COL7A1: variants seen among roughly 807,000 people sequenced by gnomAD.
COL7A1 encodes collagen alpha-1(VII) chain.
A neutral mutation model predicts 456.2 loss-of-function variants in COL7A1; 296 were observed. The ratio of observed to expected loss-of-function variants is 0.65; its 90% CI spans 0.59 to 0.71. The LOEUF is 0.71. Ranked by LOEUF, COL7A1 falls within the 30% of genes least tolerant of loss-of-function variation. The pLI is 0.00. For synonymous variants in COL7A1, 1,464 were observed against 1,525.9 expected (o/e 0.96, Z 0.95); for missense variants, 3,441 against 4,017.2 (o/e 0.86, Z 3.88).
At position 48,595,059 on chromosome 3, in the gene COL7A1, C is replaced by G. The variant is rs1241704408; in HGVS notation, c.85+16G>C. ...GGTGCAGTGCCCCGGGCCGGGTCCTCCCTTGCGGTGCCCACCTCTCTCCCT... is the reference window on the plus strand; with the variant it reads ...GGTGCAGTGCCCCGGGCCGGGTCCTGCCTTGCGGTGCCCACCTCTCTCCCT... On this transcript the variant is annotated intron_variant, in intron 2 of 118. Transcript: ENST00000681320. 3.2e-6 allele frequency: 5 copies of G among 1,545,538 alleles called. No homozygotes were observed. The highest frequency in any genetic ancestry group is 4.4e-6 in the Non-Finnish European group (5 of 1,144,772).
chr3:48,589,204 G>A, intron 18 of COL7A1, 123 bp downstream of exon 18: 3 of 1,497,992 alleles, frequency 2.0e-6, no homozygotes, highest in Non-Finnish European at 2.8e-6. Flanking sequence ...TCAGTGTGGG[G>A]TGGGTCAGTG....
chr3:48,577,836 C>G (rs2044423976), intron 65 of COL7A1, among the ~76,000 whole-genome samples: 4 of 152,208 alleles, frequency 2.6e-5, no homozygotes, highest in Admixed American at 2.6e-4. Flanking sequence ...CACCTAACTC[C>G]CTATGTGTCT....
In COL7A1 at chr3:48,587,027, C is replaced by T. The variant is rs773792647; in HGVS notation, c.3221G>A (p.Arg1074Lys). 5.6e-6 allele frequency: 9 copies of T among 1,605,846 alleles called. No homozygotes were observed. The highest frequency in any genetic ancestry group is 1.7e-5 in the Admixed American group (1 of 58,892). The change falls in exon 25 of 119, where the codon AGG (arginine) becomes AAG (lysine). Residue 1074 changes from arginine (R) to lysine (K), a missense_variant. Physicochemically the swap from Arg to Lys is conservative, Grantham distance 26. Coordinates refer to ENST00000681320, the MANE Select transcript of COL7A1 (RefSeq NM_000094.4). The surrounding 1 kb of genome is among the most constrained non-coding windows in gnomAD (Gnocchi z 6.1). ...DNAHRAEATR[R>K]VLERLVLALG... Reference sequence around the variant, plus strand: ...TGCCAACACCAGACGCTCCAGGACCCTCCTCGTAGCCTCCGCACGGTGAGC... The same window carrying T: ...TGCCAACACCAGACGCTCCAGGACCTTCCTCGTAGCCTCCGCACGGTGAGC...
In COL7A1 at chr3:48,591,484, A is replaced by T; in HGVS notation, c.1616T>A (p.Ile539Asn). ...CTCACCCTGGGTGCTGCGCACAATG[A>T]TGCGGTACTGGGTGGCACCAGGGAC... ...SPVPGATQYR[I>N]IVRSTQGVER... The change falls in exon 13 of 119, where the codon ATC (isoleucine) becomes AAC (asparagine). Residue 539 changes from isoleucine (I) to asparagine (N), a missense_variant. Around this residue, in one of 3 missense-constraint regions of COL7A1, gnomAD observed 913 missense variants for 1,088.2 expected, o/e 0.84. Coordinates refer to ENST00000681320, the MANE Select transcript of COL7A1 (RefSeq NM_000094.4). This position sits in a 1 kb window ranked among gnomAD's most constrained non-coding sequence, Gnocchi z 7.0. 1 of 1,613,922 alleles carries T rather than the reference A, an allele frequency of 6.2e-7. No individual in the cohort carries two copies. The highest frequency in any genetic ancestry group is 8.5e-7 in the Non-Finnish European group (1 of 1,179,958).
Position 48,586,097 on chromosome 3 carries a change from A to C in COL7A1, c.3700T>G (p.Cys1234Gly). ...ACCTGAGTAGTGAAGGATGCCTGAC[A>C]CAGGGCTGTGGCCAGACCACTGACT... ...QAVSGLATAL[C>G]QASFTTQPRP... is the part of the protein sequence containing the mutation. Residue 1234 changes from cysteine (C) to glycine (G), a missense_variant, in exon 28 of 119, where the codon TGT becomes GGT. Physicochemically the swap from Cys to Gly is radical, Grantham distance 159. Transcript: ENST00000681320. The surrounding 1 kb of genome is among the most constrained non-coding windows in gnomAD (Gnocchi z 5.1). 11 of 1,613,570 alleles carry C rather than the reference A, an allele frequency of 6.8e-6. No individual in the cohort carries two copies. The highest frequency in any genetic ancestry group is 9.3e-6 in the Non-Finnish European group (11 of 1,180,026).
Position 48,593,783 on chromosome 3 carries a change from G to C in COL7A1, c.267-87C>G, listed in dbSNP as rs1336461131. 7.3e-6 allele frequency: 11 copies of C among 1,504,706 alleles called. No homozygotes were observed. Among genetic ancestry groups the C allele is most frequent in the African/African-American group, 1.4e-5 (1 of 72,708 alleles). 93.2% of individuals were successfully genotyped at this position (1,504,706 alleles called of 1,614,324 possible). A position where few individuals can be genotyped will look rare whatever the true frequency, so the allele number is the denominator to read the frequency against. ...AGGAGGCCTCTAGGGTGAGGGTTAC[G>C]GGTATCAGGCTCTCTTGAGGGGTCC... On this transcript the variant is annotated intron_variant, in intron 3 of 118. Transcript: ENST00000681320. This position sits in a 1 kb window ranked among gnomAD's most constrained non-coding sequence, Gnocchi z 4.4.
chr3:48,579,076 AGAC>A lies in COL7A1; in HGVS notation c.5388+118_5388+120del. On this transcript the variant is annotated intron_variant, in intron 62 of 118. Coordinates refer to ENST00000681320, the MANE Select transcript of COL7A1 (RefSeq NM_000094.4). The surrounding 1 kb of genome is among the most constrained non-coding windows in gnomAD (Gnocchi z 4.4). ...CAGGCAGGGCTCTGGGAGAAGACAC[AGAC>A]AACAGGTCTCGCCCCAGAGCTCGTC... The A allele has an allele frequency of 1.3e-6, 2 of 1,552,356 alleles. No homozygotes were observed. Among genetic ancestry groups the A allele is most frequent in the Admixed American group, 1.7e-5 (1 of 59,760 alleles).
rs1482258005 is a variant in COL7A1, at chr3:48,569,327, C to A, written c.7686+48G>T. On this transcript the variant is annotated intron_variant, in intron 103 of 118. Coordinates refer to ENST00000681320, the MANE Select transcript of COL7A1 (RefSeq NM_000094.4). This position sits in a 1 kb window ranked among gnomAD's most constrained non-coding sequence, Gnocchi z 4.9. ...TGCCCTCACAGATGCTGTGGAACCACCACAGCCACAGGACCCCACAGAGAG... is the reference window on the plus strand; with the variant it reads ...TGCCCTCACAGATGCTGTGGAACCAACACAGCCACAGGACCCCACAGAGAG... 7 of 1,608,260 alleles carry A rather than the reference C, an allele frequency of 4.4e-6. No individual in the cohort carries two copies. Among genetic ancestry groups the A allele is most frequent in the Admixed American group, 1.7e-5 (1 of 60,012 alleles).
chr3:48,583,812 G>C lies in COL7A1; in HGVS notation c.4279-32C>G. Reference sequence around the variant, plus strand: ...AGAAGTGAGTAAAAATATGAGCCAAGAACTATGAAGCCCAGCACCCAACCA... The same window carrying C: ...AGAAGTGAGTAAAAATATGAGCCAACAACTATGAAGCCCAGCACCCAACCA... On this transcript the variant is annotated intron_variant, in intron 39 of 118. Coordinates refer to ENST00000681320, the MANE Select transcript of COL7A1 (RefSeq NM_000094.4). This position sits in a 1 kb window ranked among gnomAD's most constrained non-coding sequence, Gnocchi z 5.1. 6.2e-7 allele frequency: 1 copy of C among 1,613,620 alleles called. No homozygotes were observed. The highest frequency in any genetic ancestry group is 8.5e-7 in the Non-Finnish European group (1 of 1,179,822).
In COL7A1 at chr3:48,583,544, C is replaced by CCCT; in HGVS notation, c.4401+9_4401+11dup. On this transcript the variant is annotated intron_variant, in intron 41 of 118. Transcript: ENST00000681320. This position sits in a 1 kb window ranked among gnomAD's most constrained non-coding sequence, Gnocchi z 5.1. Reference sequence around the variant, plus strand: ...GCCCACCATATTCAGAATCCCTGGCCCCTCCACTCACCTGCTCACCCGGAG... The same window carrying CCCT: ...GCCCACCATATTCAGAATCCCTGGCCCCTCCTCCACTCACCTGCTCACCCGGAG... 6.2e-7 allele frequency: 1 copy of CCCT among 1,613,966 alleles called. No homozygotes were observed. Among genetic ancestry groups the CCCT allele is most frequent in the Non-Finnish European group, 8.5e-7 (1 of 1,179,978 alleles).
chr3:48,581,720 C>T lies in COL7A1; in HGVS notation c.4708G>A (p.Val1570Ile), dbSNP rs2044772508. 6.2e-7 allele frequency: 1 copy of T among 1,613,988 alleles called. No homozygotes were observed. The highest frequency in any genetic ancestry group is 1.7e-5 in the Admixed American group (1 of 60,010). ...GPAGPRGATG[V>I]QGERGPPGLV... ...GCTTCACTTACCCGTTCCCCTTGGA[C>T]TCCGGTAGCTCCTCTGGGCCCAGCG... Residue 1570 changes from valine to isoleucine, a missense_variant, in exon 49 of 119, where the codon GTC (valine) becomes ATC (isoleucine). Val to Ile is a conservative substitution (Grantham distance 29, BLOSUM62 3). Transcript: ENST00000681320. This position sits in a 1 kb window ranked among gnomAD's most constrained non-coding sequence, Gnocchi z 5.8.
chr3:48,589,169 G>A (rs1428746119), intron 18 of COL7A1, among the ~76,000 whole-genome samples, 158 bp downstream of exon 18: 1 of 152,148 alleles, frequency 6.6e-6, no homozygotes, highest in East Asian at 1.9e-4. Context: ...GGGCCACCAG[G>A]AGGTCACCGT....
chr3:48,585,342 G>A lies in COL7A1; in HGVS notation c.3894+215C>T, dbSNP rs2107740378. Among the ~76,000 whole-genome samples, 1 of 152,300 alleles carries A rather than the reference G, an allele frequency of 6.6e-6. No homozygotes were observed. Among genetic ancestry groups the A allele is most frequent in the East Asian group, 1.9e-4 (1 of 5,174 alleles). ...GAGGGCTTCCCTGCCTCTGGGACTT[G>A]GAGCTGCTGCTCAGGCTCTGCAGCG... On this transcript the variant is annotated intron_variant, in intron 32 of 118. Coordinates refer to ENST00000681320, the MANE Select transcript of COL7A1 (RefSeq NM_000094.4). The surrounding 1 kb of genome is among the most constrained non-coding windows in gnomAD (Gnocchi z 4.5).
Position 48,571,752 on chromosome 3 carries a change from C to T in COL7A1, c.7068+249G>A, listed in dbSNP as rs1427136413. The T allele has an allele frequency of 2.1e-4, 131 of 632,106 alleles. 2 individuals are homozygous for T. The East Asian group carries it at 3.5e-3, about 17-fold the overall frequency. The allele number at this position is 632,106 out of a possible 1,614,324, so 39.2% of individuals were successfully genotyped here. On this transcript the variant is annotated intron_variant, in intron 92 of 118. Transcript: ENST00000681320. This position sits in a 1 kb window ranked among gnomAD's most constrained non-coding sequence, Gnocchi z 4.6. ...ATCTGGGAGATCAGACCAGAGCACA[C>T]GTGTGCCCAGATGTGGTGAGAAACA... is the stretch of plus-strand genomic sequence containing the variant.
chr3:48,584,910 C>T lies in COL7A1; in HGVS notation c.4011G>A (p.Pro1337=), dbSNP rs201597369. The T allele has an allele frequency of 1.5e-5, 25 of 1,613,874 alleles. No individual in the cohort carries two copies. Among genetic ancestry groups the T allele is most frequent in the Middle Eastern group, 1.6e-4 (1 of 6,082 alleles). Residue 1337 remains proline (P), a splice_region_variant and synonymous_variant, in exon 34 of 119, where the codon CCG becomes CCA. Transcript: ENST00000681320. ...SPGLPGPRGD[P]GERGPRGPKG... ...GAGCAAAGAAGGGAAGGCACCTTAC[C>T]GGGTCCCCACGAGGGCCAGGCAACC...
chr3:48,590,615 G>A lies in COL7A1; in HGVS notation c.1781-31C>T. Reference sequence around the variant, plus strand: ...AGTTACAGACAGAAGTCAGAAGTCAGAACCAGGACCAGAGTGAGGCAGGCA... The same window carrying A: ...AGTTACAGACAGAAGTCAGAAGTCAAAACCAGGACCAGAGTGAGGCAGGCA... On this transcript the variant is annotated intron_variant, in intron 14 of 118. Coordinates refer to ENST00000681320, the MANE Select transcript of COL7A1 (RefSeq NM_000094.4). This position sits in a 1 kb window ranked among gnomAD's most constrained non-coding sequence, Gnocchi z 4.6. 6.2e-7 allele frequency: 1 copy of A among 1,614,064 alleles called. No homozygotes were observed. The highest frequency in any genetic ancestry group is 8.5e-7 in the Non-Finnish European group (1 of 1,180,024).
chr3:48,567,198 CAGA>C lies in COL7A1; in HGVS notation c.8047-11_8047-9del. 3.7e-6 allele frequency: 6 copies of C among 1,613,920 alleles called. No homozygotes were observed. The highest frequency in any genetic ancestry group is 4.2e-6 in the Non-Finnish European group (5 of 1,179,968). On this transcript the variant is annotated splice_polypyrimidine_tract_variant and intron_variant, in intron 109 of 118. Transcript: ENST00000681320. The surrounding 1 kb of genome is among the most constrained non-coding windows in gnomAD (Gnocchi z 4.3). ...GTCAAAGCCTCGGTCACCCTGGGAA[CAGA>C]AGAAGCATGAGAGACCTTCTGCCCT...
rs775822314 is a variant in COL7A1 at position 48,586,162 on chromosome 3, G to T, written c.3635C>A (p.Thr1212Asn). Residue 1212 changes from threonine to asparagine, a missense_variant, in exon 28 of 119, where the codon ACC becomes AAC. By Grantham distance (65) the Thr-to-Asn change is moderately conservative. Around this residue, in one of 3 missense-constraint regions of COL7A1, gnomAD observed 2,084 missense variants for 2,501.3 expected, o/e 0.83. Transcript: ENST00000681320. The surrounding 1 kb of genome is among the most constrained non-coding windows in gnomAD (Gnocchi z 5.1). The stretch of plus-strand genomic sequence containing the variant: ...TGGCCCATCATCCACGGCGAAGAAG[G>T]TCTGGACAGAGTCCATACCCGGCGC... ...RLAPGMDSVQTFFAVDDGPSL... is the reference protein window; with the variant it reads ...RLAPGMDSVQNFFAVDDGPSL... The T allele has an allele frequency of 3.7e-6, 6 of 1,613,300 alleles. No homozygotes were observed. The South Asian group carries it at 5.5e-5, about 15-fold the overall frequency.
At position 48,569,281 on chromosome 3, in the gene COL7A1, C is replaced by T; in HGVS notation, c.7686+94G>A. 1 of 1,478,708 alleles carries T rather than the reference C, an allele frequency of 6.8e-7. No homozygotes were observed. Among genetic ancestry groups the T allele is most frequent in the Non-Finnish European group, 9.5e-7 (1 of 1,057,390 alleles). The allele number at this position is 1,478,708 out of a possible 1,614,324, so 91.6% of individuals were successfully genotyped here. ...CCCCTTCCCCCTAAACCCCAGAAAG[C>T]CTCCTCCTGTCCTCCCCTCCTGCCC... On this transcript the variant is annotated intron_variant, in intron 103 of 118. Coordinates refer to ENST00000681320, the MANE Select transcript of COL7A1 (RefSeq NM_000094.4). The surrounding 1 kb of genome is among the most constrained non-coding windows in gnomAD (Gnocchi z 4.9).
Sources: allele counts gnomAD v4.1 joint callset (sites outside exome capture counted in the v4.1 genomes callset), GRCh38; gene constraint gnomAD v4.1.1; regional missense constraint gnomAD v4.1.1; non-coding constraint Gnocchi (gnomAD v3.1); transcripts MANE v1.5; gene names NCBI Gene and HGNC (gene_info 2026-07-23, HGNC 2026-07-21).